The following SORBS2 variants were observed in gnomAD, a reference collection of about 807,000 sequenced individuals.
SORBS2 encodes the protein sorbin and SH3 domain containing 2.
Under a neutral mutation model 97.7 loss-of-function variants are expected in SORBS2, and 46 were observed. The ratio of observed to expected loss-of-function variants is 0.47; its 90% confidence interval spans 0.37 to 0.60. The LOEUF (loss-of-function observed/expected upper bound fraction) is 0.60, where lower values mean the gene tolerates loss of function less well. SORBS2 is among the 20% of genes least tolerant of loss of function. The pLI, the probability that SORBS2 is intolerant of heterozygous loss-of-function variation, is 0.00. For synonymous variants in SORBS2, 476 were observed against 473.4 expected (o/e 1.01, Z -0.07); for missense variants, 1,316 against 1,282.3 (o/e 1.03, Z -0.40).
intron 1 of SORBS2, among the ~76,000 whole-genome samples, chr4:185,835,091 C>T (rs1408397420): frequency 1.3e-5 from 2 of 152,182 alleles, no homozygotes; most frequent in African/African-American, 4.8e-5. Context: ...AGTCTTGCTC[C>T]TGCCTGTAAG....
At chr4:185,706,433 GA>G (rs2098342343) in intron 2 of SORBS2, among the ~76,000 whole-genome samples, 1 of 152,154 alleles carries the variant, frequency 6.6e-6, no homozygotes, top group Non-Finnish European at 1.5e-5. Context: ...TAGCAATGGA[GA>G]ATGATTATTG....
At chr4:185,805,237 AT>A (rs369604339) in intron 1 of SORBS2, among the ~76,000 whole-genome samples, 153 of 152,126 alleles carry the variant, frequency 1.0e-3, no homozygotes, top group Admixed American at 1.0e-3. Context: ...GACTATATAT[AT>A]ATATATGTTT....
At chr4:185,845,686 G>A (rs1272108363) in intron 1 of SORBS2, among the ~76,000 whole-genome samples, 1 of 152,044 alleles carries the variant, frequency 6.6e-6, no homozygotes, top group East Asian at 1.9e-4. Context: ...TATAAAGAAT[G>A]TACACAACTC....
chr4:185,825,431 C>T (rs1361550106), intron 1 of SORBS2, among the ~76,000 whole-genome samples: 10 of 152,134 alleles, frequency 6.6e-5, no homozygotes, highest in Admixed American at 5.9e-4. Flanking sequence ...GTTAAAGAAT[C>T]ACCTGATTTT....
At chr4:185,633,092 C>A (rs577091987) in intron 4 of SORBS2, among the ~76,000 whole-genome samples, 1 of 152,240 alleles carries the variant, frequency 6.6e-6, no homozygotes, top group South Asian at 2.1e-4. Context: ...AGTACAGATA[C>A]TGAATCACTC....
intron 2 of SORBS2, among the ~76,000 whole-genome samples, chr4:185,691,214 T>A (rs72700115): frequency 0.068 from 10,306 of 151,312 alleles, 433 homozygotes; most frequent in Middle Eastern, 0.13. Context: ...TGTTTCTTTT[T>A]TAGAGAGAGG....
At chr4:185,899,769 G>A (rs553601284) in intron 1 of SORBS2, among the ~76,000 whole-genome samples, 5 of 152,172 alleles carry the variant, frequency 3.3e-5, no homozygotes, top group African/African-American at 7.2e-5. Context: ...AGAGCCCAAC[G>A]AGTATTATAC....
chr4:185,705,503 G>A lies in SORBS2; in HGVS notation c.-197-26681C>T, dbSNP rs956509678. ...GGAAGTTGCAGTGAGCCAAGGTCGC[G>A]CCACTGTACTCCAGCCTGGCGACAG... On this transcript the variant is annotated intron_variant, in intron 2 of 20. Coordinates refer to the SORBS2 transcript ENST00000284776. Among the ~76,000 whole-genome samples, 5 of 151,600 alleles carry A rather than the reference G, an allele frequency of 3.3e-5. No homozygotes were observed. The East Asian group carries it at 5.8e-4, about 18-fold the overall frequency.
At chr4:185,601,493 A>C (rs914416236) in intron 12 of SORBS2, among the ~76,000 whole-genome samples, 1 of 152,194 alleles carries the variant, frequency 6.6e-6, no homozygotes, top group Non-Finnish European at 1.5e-5. Flanking sequence ...GAGGATGGCG[A>C]TGAGCCCACA....
In SORBS2 at chr4:185,607,164, A is replaced by T. The variant is rs958597142; in HGVS notation, c.2796+4616T>A. 2.7e-6 allele frequency: 3 copies of T among 1,121,002 alleles called. No individual in the cohort carries two copies. The highest frequency in any genetic ancestry group is 3.3e-6 in the Non-Finnish European group (3 of 907,692). 69.4% of individuals were successfully genotyped at this position (1,121,002 alleles called of 1,614,324 possible). On this transcript the variant is annotated intron_variant, in intron 12 of 14. Transcript: ENST00000418609. This position sits in a 1 kb window ranked among gnomAD's most constrained non-coding sequence, Gnocchi z 5.2. The stretch of plus-strand genomic sequence containing the variant: ...CTTGGTCAGCTGACAAGGTTAAAGC[A>T]CCAAGCTTCTCCAATTCACCCAAGA...
At chr4:185,651,098 C>T (rs1270463226) in intron 2 of SORBS2, among the ~76,000 whole-genome samples, 2 of 152,184 alleles carry the variant, frequency 1.3e-5, no homozygotes, top group African/African-American at 2.4e-5. Flanking sequence ...GTGCACCTGT[C>T]CTGAGCCTGT....
chr4:185,632,816 C>T (rs1355840760), intron 4 of SORBS2, among the ~76,000 whole-genome samples: 1 of 152,168 alleles, frequency 6.6e-6, no homozygotes, highest in African/African-American at 2.4e-5. Flanking sequence ...ACTATTTCTC[C>T]TTGTACTGGT....
intron 2 of SORBS2, among the ~76,000 whole-genome samples, chr4:185,694,767 C>G (rs2098151077): frequency 7.4e-6 from 1 of 135,048 alleles, no homozygotes; most frequent in Admixed American, 8.6e-5. Flanking sequence ...AGGGCAGTGG[C>G]ATGATCTCGG....
chr4:185,716,006 C>G (rs760524103), intron 2 of SORBS2, among the ~76,000 whole-genome samples: 3 of 152,182 alleles, frequency 2.0e-5, no homozygotes, highest in Non-Finnish European at 4.4e-5. Context: ...AGTCAGAGAC[C>G]TAAGAGAAAG....
chr4:185,849,993 C>G (rs1319727669), intron 1 of SORBS2, among the ~76,000 whole-genome samples: 1 of 152,200 alleles, frequency 6.6e-6, no homozygotes, highest in Non-Finnish European at 1.5e-5. Flanking sequence ...TTGATCCACA[C>G]CCACCCTGGC....
chr4:185,600,536 A>G (rs1472358988), intron 12 of SORBS2, among the ~76,000 whole-genome samples: 2 of 152,026 alleles, frequency 1.3e-5, no homozygotes, highest in Non-Finnish European at 2.9e-5. Context: ...ACAGGATTTC[A>G]CCATGTTGGT....
chr4:185,898,629 C>T (rs1417043815), intron 1 of SORBS2, among the ~76,000 whole-genome samples: 3 of 152,066 alleles, frequency 2.0e-5, no homozygotes, highest in African/African-American at 4.8e-5. Context: ...CTAGCGGCTA[C>T]GTTGATTTGC....
intron 4 of SORBS2, among the ~76,000 whole-genome samples, chr4:185,639,727 G>A (rs72718131): frequency 0.025 from 3,799 of 152,210 alleles, 63 homozygotes; most frequent in Non-Finnish European, 0.039. Flanking sequence ...AAATTATATG[G>A]TTCCCTAAAA....
chr4:185,771,461 G>A (rs1316630640), intron 2 of SORBS2: 1 of 152,104 alleles, frequency 6.6e-6, no homozygotes, highest in Admixed American at 6.6e-5. Context: ...TACCAGTCTG[G>A]GGCTATCAAA....
Sources: gnomAD v4.1 joint callset for allele counts (sites outside exome capture counted in the v4.1 genomes callset) on GRCh38, gnomAD v4.1.1 for gene constraint, Gnocchi (gnomAD v3.1) non-coding constraint, MANE v1.5 for transcripts, NCBI Gene and HGNC (gene_info 2026-07-23, HGNC 2026-07-21) for gene names.